Variants in PAFAH1B2 observed in about 807,000 individuals in gnomAD.
PAFAH1B2 encodes platelet-activating factor acetylhydrolase IB subunit alpha2.
In PAFAH1B2, 8 loss-of-function variants were observed where a neutral mutation model predicts 28.0. The observed-to-expected ratio is 0.29, with a 90% CI of 0.17 to 0.52. The LOEUF is 0.52. Among genes scored for constraint, PAFAH1B2 ranks in the 20% least tolerant of loss-of-function variants. The pLI is 0.97. For synonymous variants in PAFAH1B2, 104 were observed against 103.2 expected (o/e 1.01, Z -0.05); for missense variants, 190 against 282.6 (o/e 0.67, Z 2.35).
intron 2 of PAFAH1B2, among the ~76,000 whole-genome samples, chr11:117,155,578 C>G (rs1160990502): frequency 6.6e-6 from 1 of 152,080 alleles, no homozygotes; most frequent in Non-Finnish European, 1.5e-5. Context: ...TAATATATTG[C>G]TGGAGTCCTT....
intron 2 of PAFAH1B2, 44 bp from the exon 3 acceptor site, chr11:117,159,890 C>G: frequency 7.1e-7 from 1 of 1,411,064 alleles, no homozygotes; most frequent in Non-Finnish European, 1.0e-6. Context: ...CACACCCAGC[C>G]AGAAGTGCCA....
intron 5 of PAFAH1B2, among the ~76,000 whole-genome samples, chr11:117,164,478 A>G (rs140854664): frequency 5.9e-5 from 9 of 151,746 alleles, no homozygotes; most frequent in African/African-American, 1.2e-4. Context: ...TTTTTGCACA[A>G]TGGCACATGA....
intron 2 of PAFAH1B2, among the ~76,000 whole-genome samples, chr11:117,158,505 C>A (rs944894423): frequency 6.6e-6 from 1 of 152,036 alleles, no homozygotes; most frequent in Non-Finnish European, 1.5e-5. Context: ...AGTCTGCATT[C>A]AAATAAAATA....
At chr11:117,159,078 A>G (rs1214820819) in intron 2 of PAFAH1B2, among the ~76,000 whole-genome samples, 1 of 152,236 alleles carries the variant, frequency 6.6e-6, no homozygotes, top group East Asian at 1.9e-4. Flanking sequence ...AACATGGGAA[A>G]ATACTATTAG....
intron 1 of PAFAH1B2, among the ~76,000 whole-genome samples, chr11:117,148,056 C>CTT (rs201878667): frequency 6.9e-5 from 9 of 129,580 alleles, no homozygotes; most frequent in African/African-American, 2.6e-4. Context: ...TTTTTTTTTT[C>CTT]TTTTTTTTTT....
At chr11:117,154,732 C>G (rs1164950563) in intron 2 of PAFAH1B2, among the ~76,000 whole-genome samples, 2 of 152,186 alleles carry the variant, frequency 1.3e-5, no homozygotes, top group African/African-American at 4.8e-5. Context: ...GCATGAGCCA[C>G]CGTGCCTGAC....
rs1383253642 is a variant in PAFAH1B2 at position 117,163,855 on chromosome 11, T to G, written c.374T>G (p.Ile125Ser). The G allele has an allele frequency of 6.2e-7, 1 of 1,613,942 alleles. No individual in the cohort carries two copies. The highest frequency in any genetic ancestry group is 1.3e-5 in the African/African-American group (1 of 74,908). The change falls in exon 5 of 6, where the codon ATC (isoleucine) becomes AGC (serine). Residue 125 changes from isoleucine (I) to serine (S), a missense_variant. Transcript: ENST00000527958. ...GGGATCGAGGCCATTGTACAACTTA[T>G]CAACACAAGGCAGCCACAGGCCAAA... The part of the protein sequence containing the change: ...AGGIEAIVQL[I>S]NTRQPQAKII...
Position 117,170,507 on chromosome 11 carries a change from G to C in PAFAH1B2, c.*2808G>C. On this transcript the variant is annotated 3_prime_UTR_variant, in exon 6 of 6. Coordinates refer to ENST00000527958, the MANE Select transcript of PAFAH1B2 (RefSeq NM_002572.4). ...CGTAGACAGCGCTCTGGCTACCACC[G>C]TGAGGCTACTTGAACTGTCAGGGGC... is the stretch of plus-strand genomic sequence containing the variant. The C allele has an allele frequency of 1.9e-6, 2 of 1,058,644 alleles. No individual in the cohort carries two copies. The highest frequency in any genetic ancestry group is 4.6e-5 in the South Asian group (1 of 21,820). 65.6% of individuals were successfully genotyped at this position (1,058,644 alleles called of 1,614,324 possible). A position where few individuals can be genotyped will look rare whatever the true frequency, so the allele number is the denominator to read the frequency against.
At chr11:117,147,595 T>A (rs1371618942) in intron 1 of PAFAH1B2, among the ~76,000 whole-genome samples, 1 of 152,246 alleles carries the variant, frequency 6.6e-6, no homozygotes, top group Non-Finnish European at 1.5e-5. Flanking sequence ...GGAGATTGTG[T>A]GAGTTTGTGG....
At chr11:117,154,909 G>T (rs1479942860) in intron 2 of PAFAH1B2, among the ~76,000 whole-genome samples, 1 of 152,110 alleles carries the variant, frequency 6.6e-6, no homozygotes, top group Non-Finnish European at 1.5e-5. Context: ...ATACATGGAG[G>T]TTTATTCTCT....
chr11:117,159,847 T>A, intron 2 of PAFAH1B2, 87 bp from the exon 3 acceptor site: 1 of 891,940 alleles, frequency 1.1e-6, no homozygotes, highest in Non-Finnish European at 1.9e-6. Context: ...TGTCCTGGCC[T>A]CCCAAAATGT....
At position 117,149,430 on chromosome 11, in the gene PAFAH1B2, G is replaced by GTTTTTTTTTTTTTTTTTTTTTTTTT. The variant is rs746125678; in HGVS notation, c.-7-2997_-7-2996insTTTTTTTTTTTTTTTTTTTTTTTTT. ...TTAATTTAAAAAAAGTTTTCTAATC[G>GTTTTTTTTTTTTTTTTTTTTTTTTT]TTTTTTTTTTTTTTGAGATGGAGTC... On this transcript the variant is annotated intron_variant, in intron 1 of 5. Coordinates refer to ENST00000527958, the MANE Select transcript of PAFAH1B2 (RefSeq NM_002572.4). Among the ~76,000 whole-genome samples, 25 of 86,084 alleles carry GTTTTTTTTTTTTTTTTTTTTTTTTT rather than the reference G, an allele frequency of 2.9e-4. 7 individuals carry two copies. The highest frequency in any genetic ancestry group is 3.2e-4 in the African/African-American group (7 of 21,582). The allele number at this position is 86,084 out of a possible 152,430, so 56.5% of individuals were successfully genotyped here. A position where few individuals can be genotyped will look rare whatever the true frequency, so the allele number is the denominator to read the frequency against.
intron 1 of PAFAH1B2, among the ~76,000 whole-genome samples, chr11:117,146,072 G>A (rs2134159773): frequency 6.7e-6 from 1 of 149,952 alleles, no homozygotes; most frequent in Middle Eastern, 3.5e-3. Context: ...AACAAAACTT[G>A]TTCTTCAGAC....
downstream of PAFAH1B2, among the ~76,000 whole-genome samples, chr11:117,173,567 A>C (rs1199400948): frequency 6.6e-6 from 1 of 152,140 alleles, no homozygotes; most frequent in African/African-American, 2.4e-5. Flanking sequence ...GGCCTCAAAC[A>C]CGTAGCCTCG....
chr11:117,149,276 T>A (rs1272801485), intron 1 of PAFAH1B2, among the ~76,000 whole-genome samples: 3 of 151,188 alleles, frequency 2.0e-5, no homozygotes, highest in African/African-American at 7.3e-5. Flanking sequence ...AGAGACGGGG[T>A]CTCATTATGT....
chr11:117,148,402 A>G (rs1386276979), intron 1 of PAFAH1B2, among the ~76,000 whole-genome samples: 1 of 152,122 alleles, frequency 6.6e-6, no homozygotes, highest in Non-Finnish European at 1.5e-5. Context: ...GCTCAAGAGT[A>G]GGCTTTGGAA....
chr11:117,157,043 A>C (rs1448875819), intron 2 of PAFAH1B2, among the ~76,000 whole-genome samples: 1 of 151,566 alleles, frequency 6.6e-6, no homozygotes, highest in Non-Finnish European at 1.5e-5. Context: ...AAAAAAGAAA[A>C]AAAAAAAGAA....
downstream of PAFAH1B2, among the ~76,000 whole-genome samples, chr11:117,173,932 T>A (rs188472610): frequency 6.6e-5 from 10 of 152,302 alleles, no homozygotes; most frequent in East Asian, 1.9e-3. Flanking sequence ...ATAATCACAG[T>A]GAAAACAGAA....
chr11:117,146,649 C>G (rs1325954700), intron 1 of PAFAH1B2, among the ~76,000 whole-genome samples: 3 of 151,948 alleles, frequency 2.0e-5, no homozygotes, highest in Non-Finnish European at 4.4e-5. Flanking sequence ...AGCTGTGTTA[C>G]GCCACTTCAC....
Sources: allele counts gnomAD v4.1 joint callset (sites outside exome capture counted in the v4.1 genomes callset), GRCh38; gene constraint gnomAD v4.1.1; transcripts MANE v1.5; gene names NCBI Gene and HGNC (gene_info 2026-07-23, HGNC 2026-07-21).